Variants in IL34 observed in about 807,000 individuals in gnomAD.
The protein encoded by IL34 is interleukin-34.
IL34 carries 17 observed loss-of-function variants against 25.3 expected under a neutral mutation model. The observed-to-expected ratio is 0.67, with a 90% CI of 0.46 to 1.01. The LOEUF (loss-of-function observed/expected upper bound fraction) is 1.01. IL34 is among the 50% of genes least tolerant of loss of function. IL34 has a pLI of 0.00. For synonymous variants in IL34, 174 were observed against 140.9 expected (o/e 1.23, Z -1.66); for missense variants, 368 against 312.9 (o/e 1.18, Z -1.33).
chr16:70,622,248 G>A (rs1402482613), intron 1 of IL34, among the ~76,000 whole-genome samples: 3 of 152,132 alleles, frequency 2.0e-5, no homozygotes, highest in Non-Finnish European at 4.4e-5. Flanking sequence ...TTCAGTGAAA[G>A]TGTCTATTTA....
chr16:70,624,067 C>T (rs560945013), intron 1 of IL34, among the ~76,000 whole-genome samples: 6 of 151,888 alleles, frequency 4.0e-5, no homozygotes, highest in Non-Finnish European at 4.4e-5. Context: ...GCCGCTAAGC[C>T]GAGAAGGAGT....
intron 1 of IL34, among the ~76,000 whole-genome samples, chr16:70,637,176 T>C (rs1463479083): frequency 6.6e-6 from 1 of 151,800 alleles, no homozygotes; most frequent in Non-Finnish European, 1.5e-5. Flanking sequence ...TCCCCATTTT[T>C]AATTTTTTCA....
At chr16:70,605,969 GTTTT>G (rs77101515) in intron 1 of IL34, among the ~76,000 whole-genome samples, 9 of 123,208 alleles carry the variant, frequency 7.3e-5, no homozygotes, top group South Asian at 2.7e-4. Flanking sequence ...ACCGCACCTG[GTTTT>G]TTTTTTTTTT....
At chr16:70,628,441 T>G (rs1056898281) in intron 1 of IL34, among the ~76,000 whole-genome samples, 3 of 151,996 alleles carry the variant, frequency 2.0e-5, no homozygotes, top group Admixed American at 6.6e-5. Context: ...AGTGGTCTCT[T>G]TTCTAACTGG....
chr16:70,598,608 G>A (rs1233025183), intron 1 of IL34, among the ~76,000 whole-genome samples: 5 of 151,976 alleles, frequency 3.3e-5, no homozygotes, highest in African/African-American at 4.8e-5. Context: ...GCATGGTGGC[G>A]CATACCTATA....
At chr16:70,627,948 T>C (rs992927130) in intron 1 of IL34, among the ~76,000 whole-genome samples, 2 of 152,350 alleles carry the variant, frequency 1.3e-5, no homozygotes, top group South Asian at 4.1e-4. Flanking sequence ...CTGTTGGATA[T>C]TTACTTACGA....
intron 1 of IL34, among the ~76,000 whole-genome samples, chr16:70,588,020 C>CA (rs1281879431): frequency 6.6e-6 from 1 of 152,190 alleles, no homozygotes. Flanking sequence ...GCCTGGGTGA[C>CA]AGAGTGAGAC....
intron 1 of IL34, among the ~76,000 whole-genome samples, chr16:70,619,485 A>C (rs995156860): frequency 6.6e-6 from 1 of 152,130 alleles, no homozygotes; most frequent in Admixed American, 6.5e-5. Context: ...TGCTTAAAAG[A>C]GTATTGCCTA....
intron 1 of IL34, among the ~76,000 whole-genome samples, chr16:70,613,939 G>A (rs1430379415): frequency 6.6e-6 from 1 of 151,822 alleles, no homozygotes; most frequent in Non-Finnish European, 1.5e-5. Context: ...TGTAATCCCA[G>A]TGCTCTGGGA....
chr16:70,593,119 G>T (rs1450346179), intron 1 of IL34, among the ~76,000 whole-genome samples: 2 of 152,100 alleles, frequency 1.3e-5, no homozygotes, highest in Non-Finnish European at 2.9e-5. Flanking sequence ...GAGCTACTGC[G>T]CCTGGCCCTA....
chr16:70,647,563 C>G (rs1420528170), intron 1 of IL34, among the ~76,000 whole-genome samples: 1 of 152,194 alleles, frequency 6.6e-6, no homozygotes, highest in East Asian at 1.9e-4. Context: ...GGAGGCCAGA[C>G]CAAGATCCCC....
At chr16:70,626,866 G>C (rs2051405300) in intron 1 of IL34, among the ~76,000 whole-genome samples, 1 of 151,996 alleles carries the variant, frequency 6.6e-6, no homozygotes, top group African/African-American at 2.4e-5. Context: ...CATTTATCAT[G>C]AGCTCTTTTC....
At chr16:70,599,049 G>C (rs1179037543) in intron 1 of IL34, among the ~76,000 whole-genome samples, 1 of 152,196 alleles carries the variant, frequency 6.6e-6, no homozygotes, top group Non-Finnish European at 1.5e-5. Context: ...CAAAAGGCAA[G>C]GCTAGGGTCA....
At chr16:70,626,727 T>G (rs2051402453) in intron 1 of IL34, among the ~76,000 whole-genome samples, 1 of 152,152 alleles carries the variant, frequency 6.6e-6, no homozygotes, top group South Asian at 2.1e-4. Flanking sequence ...TTTTCTTCTA[T>G]TATTTTATAT....
Position 70,652,985 on chromosome 16 carries a change from A to C in IL34, c.29-1553A>C, listed in dbSNP as rs148829016. Among the ~76,000 whole-genome samples the C allele has an allele frequency of 3.2e-4, 49 of 152,052 alleles. 1 individual carries two copies. In the East Asian group the frequency reaches 8.4e-3, roughly 26 times the overall value. ...TTGGGAGGCAGAGGCAGGGAGATCA[A>C]CTTGAGGTCAGGAGTTTGAGAACAG... On this transcript the variant is annotated intron_variant, in intron 1 of 5. Transcript: ENST00000288098.
chr16:70,586,889 C>T (rs2050701186), intron 1 of IL34, among the ~76,000 whole-genome samples: 2 of 152,232 alleles, frequency 1.3e-5, no homozygotes, highest in Admixed American at 1.3e-4. Flanking sequence ...TGCCCTGATT[C>T]ACCTGTGGCG....
At chr16:70,619,310 A>C (rs1308853267) in intron 1 of IL34, among the ~76,000 whole-genome samples, 5 of 151,992 alleles carry the variant, frequency 3.3e-5, no homozygotes, top group Non-Finnish European at 7.4e-5. Flanking sequence ...CTTGTGGGTT[A>C]AGGTGGGGGA....
chr16:70,610,213 A>AG (rs1316860616), intron 1 of IL34, among the ~76,000 whole-genome samples: 2 of 152,034 alleles, frequency 1.3e-5, no homozygotes, highest in Admixed American at 1.3e-4. Context: ...GAAAAAAAAA[A>AG]AAAAAAGTGA....
chr16:70,653,062 C>T (rs902496883), intron 1 of IL34, among the ~76,000 whole-genome samples: 4 of 152,130 alleles, frequency 2.6e-5, no homozygotes, highest in South Asian at 4.1e-4. Context: ...AAATATTGGC[C>T]GGGTGTAGTA....
Sources: gnomAD v4.1 joint callset for allele counts (sites outside exome capture counted in the v4.1 genomes callset) on GRCh38, gnomAD v4.1.1 for gene constraint, MANE v1.5 for transcripts, NCBI Gene and HGNC (gene_info 2026-07-23, HGNC 2026-07-21) for gene names.